Variants in SAMD4A observed in about 807,000 individuals in gnomAD.
The protein encoded by SAMD4A is protein Smaug homolog 1.
In SAMD4A, 33 loss-of-function variants were observed where a neutral mutation model predicts 81.3. That is an observed-to-expected ratio of 0.41 (90% CI 0.31 to 0.54). The LOEUF (loss-of-function observed/expected upper bound fraction) is 0.54. Among genes scored for constraint, SAMD4A ranks in the 20% least tolerant of loss-of-function variants. The pLI, the probability that SAMD4A is intolerant of heterozygous loss-of-function variation, is 0.37. For synonymous variants in SAMD4A, 389 were observed against 382.1 expected (o/e 1.02, Z -0.21); for missense variants, 854 against 951.1 (o/e 0.90, Z 1.34).
chr14:54,767,871 G>C (rs769020022), intron 8 of SAMD4A, among the ~76,000 whole-genome samples: 1 of 152,166 alleles, frequency 6.6e-6, no homozygotes, highest in African/African-American at 2.4e-5. Context: ...GCTGAGAACC[G>C]GCCCCCACTC....
chr14:54,603,958 G>A (rs1215608889), intron 2 of SAMD4A, among the ~76,000 whole-genome samples: 1 of 152,118 alleles, frequency 6.6e-6, no homozygotes, highest in East Asian at 1.9e-4. Flanking sequence ...CCGAGTAGCT[G>A]GGACTACAGG....
intron 2 of SAMD4A, among the ~76,000 whole-genome samples, chr14:54,592,200 A>T (rs995266701): frequency 1.3e-5 from 2 of 152,128 alleles, no homozygotes; most frequent in African/African-American, 4.8e-5. Flanking sequence ...GAACTCCTTC[A>T]ACACTTATCT....
intron 3 of SAMD4A, among the ~76,000 whole-genome samples, chr14:54,709,155 T>C (rs1244174815): frequency 6.6e-6 from 1 of 151,996 alleles, no homozygotes; most frequent in East Asian, 1.9e-4. Context: ...TGTGTGTCTA[T>C]AGTCCCATCT....
intron 5 of SAMD4A, among the ~76,000 whole-genome samples, chr14:54,749,867 G>A (rs2038058290): frequency 6.6e-6 from 1 of 152,162 alleles, no homozygotes; most frequent in Admixed American, 6.5e-5. Flanking sequence ...GGCATGGCTG[G>A]TCTGGACGCA....
intron 2 of SAMD4A, chr14:54,688,358 T>C (rs2036334651): frequency 3.0e-6 from 3 of 985,332 alleles, no homozygotes; most frequent in African/African-American, 1.7e-5. Context: ...TCATCTCAAC[T>C]CTCCTCCTTG....
intron 2 of SAMD4A, chr14:54,688,382 CTG>C (rs2036335272): frequency 1.0e-6 from 1 of 985,190 alleles, no homozygotes; most frequent in African/African-American, 1.7e-5. Flanking sequence ...CAGCACATAA[CTG>C]GGGATTGTGT....
chr14:54,780,938 C>T (rs535822109), intron 11 of SAMD4A, among the ~76,000 whole-genome samples: 3 of 152,052 alleles, frequency 2.0e-5, no homozygotes, highest in Non-Finnish European at 2.9e-5. Flanking sequence ...CTGCCTGTGC[C>T]GTTTCTTTCC....
intron 2 of SAMD4A, among the ~76,000 whole-genome samples, chr14:54,607,124 AG>A (rs928188660): frequency 1.3e-5 from 2 of 152,210 alleles, no homozygotes; most frequent in Non-Finnish European, 2.9e-5. Flanking sequence ...GGAGGGAAAT[AG>A]GGAATACAGC....
intron 2 of SAMD4A, among the ~76,000 whole-genome samples, chr14:54,604,770 AAAGAGTATAT>A (rs2034154993): frequency 6.6e-6 from 1 of 152,196 alleles, no homozygotes; most frequent in Non-Finnish European, 1.5e-5. Context: ...CATACATACA[AAAGAGTATAT>A]AACACTTATT....
intron 2 of SAMD4A, among the ~76,000 whole-genome samples, chr14:54,673,883 G>C (rs1214510019): frequency 1.3e-5 from 2 of 152,222 alleles, no homozygotes; most frequent in Non-Finnish European, 2.9e-5. Context: ...CATGGATCTG[G>C]ATTGGTTTAT....
In SAMD4A at chr14:54,790,616, A is replaced by C. The variant is rs558934411; in HGVS notation, c.*1672A>C. The C allele has an allele frequency of 6.6e-6, 1 of 152,120 alleles. No individual in the cohort carries two copies. Among genetic ancestry groups the C allele is most frequent in the South Asian group, 2.1e-4 (1 of 4,824 alleles). The allele number at this position is 152,120 out of a possible 1,614,324, so 9.4% of individuals were successfully genotyped here. ...AAGGTATGAATGCTCAGCCAGAGGCAAGATCAGGGAGATGGTACAAGGCCT... is the reference window on the plus strand; with the variant it reads ...AAGGTATGAATGCTCAGCCAGAGGCCAGATCAGGGAGATGGTACAAGGCCT... On this transcript the variant is annotated 3_prime_UTR_variant, in exon 13 of 13. Transcript: ENST00000554335.
At chr14:54,764,429 A>G in intron 7 of SAMD4A, 26 bp from the exon 8 acceptor site, 3 of 1,491,874 alleles carry the variant, frequency 2.0e-6, no homozygotes, top group Non-Finnish European at 2.8e-6. Flanking sequence ...GCATTTTTCT[A>G]ATTCATCTTT....
chr14:54,574,214 A>G (rs774345907), intron 2 of SAMD4A, among the ~76,000 whole-genome samples: 1 of 152,232 alleles, frequency 6.6e-6, no homozygotes, highest in Non-Finnish European at 1.5e-5. Context: ...TGAAACAAAC[A>G]TAAGAAAATA....
At chr14:54,721,168 A>G (rs2037252455) in intron 3 of SAMD4A, among the ~76,000 whole-genome samples, 1 of 152,198 alleles carries the variant, frequency 6.6e-6, no homozygotes, top group South Asian at 2.1e-4. Flanking sequence ...TAGAATATAA[A>G]TTCTAAGAGG....
At chr14:54,630,392 A>G (rs1347724505) in intron 2 of SAMD4A, among the ~76,000 whole-genome samples, 6 of 152,124 alleles carry the variant, frequency 3.9e-5, no homozygotes, top group Non-Finnish European at 8.8e-5. Context: ...ATATGAGATG[A>G]TATTGCATTG....
chr14:54,602,797 T>TAAAA (rs3049831), intron 2 of SAMD4A, among the ~76,000 whole-genome samples: 2 of 149,368 alleles, frequency 1.3e-5, no homozygotes, highest in African/African-American at 2.5e-5. Flanking sequence ...AAAGTATAAT[T>TAAAA]AAAAAAAAAA....
At chr14:54,761,115 G>A (rs780173495) in intron 7 of SAMD4A, among the ~76,000 whole-genome samples, 6 of 152,220 alleles carry the variant, frequency 3.9e-5, no homozygotes, top group Non-Finnish European at 8.8e-5. Flanking sequence ...AAATGCTCTA[G>A]TACGAATAGC....
At chr14:54,676,700 G>GTA (rs1174072189) in intron 2 of SAMD4A, among the ~76,000 whole-genome samples, 1 of 152,184 alleles carries the variant, frequency 6.6e-6, no homozygotes, top group Non-Finnish European at 1.5e-5. Flanking sequence ...AGTTCTTTCA[G>GTA]TATATTTCCA....
At chr14:54,651,529 T>G (rs1446930292) in intron 2 of SAMD4A, among the ~76,000 whole-genome samples, 1 of 152,328 alleles carries the variant, frequency 6.6e-6, no homozygotes, top group East Asian at 1.9e-4. Flanking sequence ...GCTTTGCAAC[T>G]AATGGGTCAT....
Sources: gnomAD v4.1 joint callset for allele counts (sites outside exome capture counted in the v4.1 genomes callset) on GRCh38, gnomAD v4.1.1 for gene constraint, MANE v1.5 for transcripts, NCBI Gene and HGNC (gene_info 2026-07-23, HGNC 2026-07-21) for gene names.